Variants in CTDSPL2 observed in about 807,000 individuals in gnomAD.
CTDSPL2 encodes the protein CTD small phosphatase-like protein 2.
Under a neutral mutation model 60.0 loss-of-function variants are expected in CTDSPL2, and 5 were observed. The ratio of observed to expected loss-of-function variants is 0.08; its 90% confidence interval spans 0.04 to 0.18. The LOEUF is 0.18. Ranked by LOEUF, CTDSPL2 falls within the 10% of genes least tolerant of loss-of-function variation. The pLI is 1.00. For missense variants in CTDSPL2, 370 were observed against 548.8 expected (o/e 0.67, Z 3.26); for synonymous variants, 186 against 189.3 (o/e 0.98, Z 0.14).
rs1366541326 is a variant in CTDSPL2, at chr15:44,427,680, T to C, written c.-117T>C. 2.0e-5 allele frequency: 8 copies of C among 399,318 alleles called. No homozygotes were observed. Among genetic ancestry groups the C allele is most frequent in the Non-Finnish European group, 3.1e-5 (7 of 226,416 alleles). The allele number at this position is 399,318 out of a possible 1,614,324, so 24.7% of individuals were successfully genotyped here. A position where few individuals can be genotyped will look rare whatever the true frequency, so the allele number is the denominator to read the frequency against. ...CGACTGGCTGAAGGAGCTGGTTCTG[T>C]TGCTGCTGCGGGGTAAGCGGGAAAG... On this transcript the variant is annotated 5_prime_UTR_variant, in exon 1 of 13. Coordinates refer to ENST00000260327, the MANE Select transcript of CTDSPL2 (RefSeq NM_016396.3).
At position 44,490,802 on chromosome 15, in the gene CTDSPL2, C is replaced by T; in HGVS notation, c.494C>T (p.Ser165Phe). 2.5e-6 allele frequency: 4 copies of T among 1,612,756 alleles called. No individual in the cohort carries two copies. Among genetic ancestry groups the T allele is most frequent in the Non-Finnish European group, 3.4e-6 (4 of 1,179,880 alleles). Reference protein sequence around the residue: ...ANKNGTSGSDSPGQAVEAEEI... With the variant: ...ANKNGTSGSDFPGQAVEAEEI... ...ATTTCAGGAACGTCAGGATCAGATT[C>T]TCCAGGACAGGCTGTGGAAGCTGAA... is the stretch of plus-strand genomic sequence containing the variant. The change falls in exon 5 of 13, where the codon TCT becomes TTT. Residue 165 changes from serine to phenylalanine, a missense_variant. Transcript: ENST00000260327.
At chr15:44,445,670 C>T (rs1208706265) in intron 1 of CTDSPL2, among the ~76,000 whole-genome samples, 1 of 151,260 alleles carries the variant, frequency 6.6e-6, no homozygotes, top group Non-Finnish European at 1.5e-5. Context: ...TGGAGTCTCG[C>T]ACTGTCGCCT....
intron 8 of CTDSPL2, among the ~76,000 whole-genome samples, chr15:44,501,057 G>A (rs1382569265): frequency 6.6e-6 from 1 of 152,028 alleles, no homozygotes; most frequent in Non-Finnish European, 1.5e-5. Flanking sequence ...TATCAAATTT[G>A]TTGTTCTTGT....
At chr15:44,464,395 A>G (rs1257082092) in intron 2 of CTDSPL2, among the ~76,000 whole-genome samples, 3 of 152,224 alleles carry the variant, frequency 2.0e-5, no homozygotes, top group African/African-American at 4.8e-5. Flanking sequence ...TCCAGAGCCT[A>G]CACTCCTAAC....
chr15:44,481,356 A>T (rs558167405), intron 2 of CTDSPL2, among the ~76,000 whole-genome samples: 68 of 152,260 alleles, frequency 4.5e-4, no homozygotes, highest in African/African-American at 1.6e-3. Context: ...CTGCAACAAT[A>T]TGTGGTGCCC....
At chr15:44,446,079 C>T (rs1448661794) in intron 1 of CTDSPL2, among the ~76,000 whole-genome samples, 2 of 151,856 alleles carry the variant, frequency 1.3e-5, no homozygotes, top group Non-Finnish European at 2.9e-5. Flanking sequence ...GAGCCCACCA[C>T]CACGCCTGGT....
intron 2 of CTDSPL2, among the ~76,000 whole-genome samples, chr15:44,461,618 A>G (rs2080573601): frequency 8.3e-6 from 1 of 120,626 alleles, no homozygotes; most frequent in Non-Finnish European, 1.6e-5. Flanking sequence ...GGTCTCATTT[A>G]TATCGCCCAG....
At chr15:44,511,268 C>T (rs936526672) in intron 8 of CTDSPL2, among the ~76,000 whole-genome samples, 1 of 152,176 alleles carries the variant, frequency 6.6e-6, no homozygotes, top group Non-Finnish European at 1.5e-5. Flanking sequence ...TAAACAAACA[C>T]ATTTTGAAAG....
chr15:44,430,721 GTTTA>G (rs1192147866), intron 1 of CTDSPL2, among the ~76,000 whole-genome samples: 1 of 152,144 alleles, frequency 6.6e-6, no homozygotes, highest in Non-Finnish European at 1.5e-5. Flanking sequence ...TGTGCTGAGA[GTTTA>G]TTTGTGTTGT....
At chr15:44,496,832 A>AAAAC (rs746573800) in intron 6 of CTDSPL2, among the ~76,000 whole-genome samples, 195 bp from the exon 7 acceptor site, 1 of 152,232 alleles carries the variant, frequency 6.6e-6, no homozygotes, top group Non-Finnish European at 1.5e-5. Context: ...GACTGTCTCA[A>AAAAC]AAACAAACAA....
At chr15:44,473,991 G>A (rs541650560) in intron 2 of CTDSPL2, among the ~76,000 whole-genome samples, 24 of 152,192 alleles carry the variant, frequency 1.6e-4, no homozygotes, top group African/African-American at 5.8e-4. Context: ...ACCACACCGG[G>A]CTAATTTTTA....
chr15:44,518,507 AAG>A (rs1475022786), intron 10 of CTDSPL2: 1 of 152,226 alleles, frequency 6.6e-6, no homozygotes, highest in Non-Finnish European at 1.5e-5. Context: ...CATATACTAA[AAG>A]AGGGGTGTTT....
intron 2 of CTDSPL2, among the ~76,000 whole-genome samples, chr15:44,475,775 A>G (rs188356622): frequency 1.3e-5 from 2 of 152,312 alleles, no homozygotes; most frequent in Admixed American, 6.5e-5. Context: ...TTCTCAAATG[A>G]CAGTATACTA....
At chr15:44,493,299 T>C (rs1424772748) in intron 5 of CTDSPL2, among the ~76,000 whole-genome samples, 1 of 152,188 alleles carries the variant, frequency 6.6e-6, no homozygotes, top group Non-Finnish European at 1.5e-5. Context: ...GACAAAAGTA[T>C]TCTTTTCCTT....
Position 44,525,569 on chromosome 15 carries a change from G to T in CTDSPL2, c.*1395G>T. 1 of 398,286 alleles carries T rather than the reference G, an allele frequency of 2.5e-6. No homozygotes were observed. Among genetic ancestry groups the T allele is most frequent in the Admixed American group, 4.4e-5 (1 of 22,724 alleles). The allele number at this position is 398,286 out of a possible 1,614,324, so 24.7% of individuals were successfully genotyped here. A position where few individuals can be genotyped will look rare whatever the true frequency, so the allele number is the denominator to read the frequency against. On this transcript the variant is annotated 3_prime_UTR_variant, in exon 13 of 13. Transcript: ENST00000260327. ...TTTCTAAAGAGAAGTTTGATATTTT[G>T]TATGCTTGTTAAGAAAGTACAGTAT...
intron 2 of CTDSPL2, among the ~76,000 whole-genome samples, chr15:44,483,240 G>C (rs1217368434): frequency 4.0e-5 from 6 of 149,346 alleles, no homozygotes; most frequent in African/African-American, 1.5e-4. Context: ...TCTAGCCTGG[G>C]TGACAGAGTC....
At chr15:44,439,342 T>G (rs890725635) in intron 1 of CTDSPL2, among the ~76,000 whole-genome samples, 1 of 151,190 alleles carries the variant, frequency 6.6e-6, no homozygotes, top group African/African-American at 2.4e-5. Context: ...AGAGACGGGG[T>G]TTCACCATAT....
chr15:44,502,101 AG>A (rs2081390220), intron 8 of CTDSPL2: 1 of 360,714 alleles, frequency 2.8e-6, no homozygotes, highest in African/African-American at 2.1e-5. Flanking sequence ...GCCCACTTAA[AG>A]GTAGAAATCT....
At chr15:44,480,975 G>T (rs892874968) in intron 2 of CTDSPL2, among the ~76,000 whole-genome samples, 1 of 152,158 alleles carries the variant, frequency 6.6e-6, no homozygotes, top group Non-Finnish European at 1.5e-5. Flanking sequence ...CATGTTCAAA[G>T]TATACCCAAA....
Sources: gnomAD v4.1 joint callset for allele counts (sites outside exome capture counted in the v4.1 genomes callset) on GRCh38, gnomAD v4.1.1 for gene constraint, MANE v1.5 for transcripts, NCBI Gene and HGNC (gene_info 2026-07-23, HGNC 2026-07-21) for gene names.